Variants in DAB1 observed in about 807,000 individuals in gnomAD.
DAB1 encodes the protein DAB adaptor protein 1, also known as disabled homolog 1.
A neutral mutation model predicts 64.6 loss-of-function variants in DAB1; 15 were observed. The observed-to-expected ratio is 0.23, with a 90% confidence interval of 0.16 to 0.36. The LOEUF (loss-of-function observed/expected upper bound fraction) is 0.36. Among genes scored for constraint, DAB1 ranks in the 10% least tolerant of loss-of-function variants. The pLI is 1.00. For missense variants in DAB1, 596 were observed against 706.7 expected, an observed-to-expected ratio of 0.84 and a Z score of 1.78; for synonymous variants, 235 against 251.9, an observed-to-expected ratio of 0.93 and a Z score of 0.64.
chr1:57,316,837 G>T (rs564363066), intron 1 of DAB1, among the ~76,000 whole-genome samples: 1 of 152,206 alleles, frequency 6.6e-6, no homozygotes, highest in Non-Finnish European at 1.5e-5. Flanking sequence ...AGGCAAATAT[G>T]TGCTGTGGCA....
intron 2 of DAB1, among the ~76,000 whole-genome samples, chr1:58,508,632 C>T (rs1013517480): frequency 1.3e-5 from 2 of 152,124 alleles, no homozygotes; most frequent in Non-Finnish European, 2.9e-5. Context: ...ATCTAACATT[C>T]CAACTTTTCT....
chr1:57,135,123 T>G (rs1657972700), intron 4 of DAB1, among the ~76,000 whole-genome samples: 1 of 152,138 alleles, frequency 6.6e-6, no homozygotes, highest in African/African-American at 2.4e-5. Flanking sequence ...AATTTACCAT[T>G]TTAACTATTT....
intron 4 of DAB1, among the ~76,000 whole-genome samples, chr1:58,155,147 G>A (rs778736609): frequency 1.3e-5 from 2 of 152,212 alleles, no homozygotes; most frequent in Non-Finnish European, 2.9e-5. Context: ...TAACTGAGGT[G>A]TGACAAAGCT....
At chr1:57,701,209 T>C (rs1263662049) in intron 6 of DAB1, among the ~76,000 whole-genome samples, 3 of 152,026 alleles carry the variant, frequency 2.0e-5, no homozygotes, top group Non-Finnish European at 2.9e-5. Flanking sequence ...ACTGGGTATA[T>C]ACCCAAAGGA....
At chr1:57,540,040 A>G (rs1644782405) in intron 7 of DAB1, among the ~76,000 whole-genome samples, 1 of 152,212 alleles carries the variant, frequency 6.6e-6, no homozygotes, top group African/African-American at 2.4e-5. Context: ...AGTGGAATGT[A>G]CATGTTCTAG....
chr1:57,459,972 G>A (rs1348420385), intron 7 of DAB1, among the ~76,000 whole-genome samples: 4 of 152,124 alleles, frequency 2.6e-5, no homozygotes, highest in African/African-American at 4.8e-5. Flanking sequence ...TGTAAGACAG[G>A]GATCCTAACA....
chr1:57,021,823 C>T (rs532275434), intron 11 of DAB1, among the ~76,000 whole-genome samples: 11 of 152,144 alleles, frequency 7.2e-5, no homozygotes, highest in African/African-American at 2.4e-4. Context: ...CCAAGTCATT[C>T]CTCTGCCTGG....
At chr1:58,096,929 C>T (rs568249525) in intron 5 of DAB1, among the ~76,000 whole-genome samples, 1 of 152,316 alleles carries the variant, frequency 6.6e-6, no homozygotes, top group African/African-American at 2.4e-5. Context: ...AGGGCACATT[C>T]CCTGGTATAG....
chr1:57,477,886 C>G (rs1643957410), intron 7 of DAB1, among the ~76,000 whole-genome samples: 1 of 152,118 alleles, frequency 6.6e-6, no homozygotes, highest in South Asian at 2.1e-4. Flanking sequence ...CAGTGCCTTT[C>G]CCAGAATGTT....
At chr1:58,523,715 C>T (rs942955708) in intron 2 of DAB1, among the ~76,000 whole-genome samples, 10 of 152,050 alleles carry the variant, frequency 6.6e-5, no homozygotes, top group African/African-American at 9.7e-5. Context: ...CTGGCTAACA[C>T]GGTGAAACCC....
intron 6 of DAB1, among the ~76,000 whole-genome samples, chr1:57,736,420 AC>A (rs1647694710): frequency 6.6e-6 from 1 of 152,188 alleles, no homozygotes; most frequent in Non-Finnish European, 1.5e-5. Context: ...GGAAGGAGAC[AC>A]CGAATGTTCA....
chr1:57,148,491 G>A (rs1364676383), intron 2 of DAB1, among the ~76,000 whole-genome samples: 1 of 152,216 alleles, frequency 6.6e-6, no homozygotes, highest in Non-Finnish European at 1.5e-5. Flanking sequence ...AGATATCGGA[G>A]CCATAAGGCT....
chr1:57,257,172 T>C (rs1669827514), intron 2 of DAB1, among the ~76,000 whole-genome samples: 1 of 152,154 alleles, frequency 6.6e-6, no homozygotes. Context: ...GTTTGCTGAA[T>C]TGCCTTCCCC....
At chr1:58,186,790 G>T (rs950639193) in intron 4 of DAB1, among the ~76,000 whole-genome samples, 1 of 152,134 alleles carries the variant, frequency 6.6e-6, no homozygotes, top group African/African-American at 2.4e-5. Context: ...ACGGAATTGG[G>T]CCAAGTTTCC....
At position 58,162,258 on chromosome 1, in the gene DAB1, C is replaced by T. The variant is rs145205512; in HGVS notation, n.310-11670G>A. On this transcript the variant is annotated intron_variant and non_coding_transcript_variant, in intron 4 of 20. Transcript: ENST00000485760. ...TGACAACGATCCTGTCAAACCTCTG[C>T]ACCCAGGTATATGAATTCAGAAGGC... Among the ~76,000 whole-genome samples the T allele has an allele frequency of 8.6e-3, 1,315 of 152,298 alleles. 8 individuals are homozygous for T. Among genetic ancestry groups the T allele is most frequent in the Non-Finnish European group, 0.012 (827 of 68,002 alleles).
chr1:57,695,274 A>G (rs369472367), intron 6 of DAB1, among the ~76,000 whole-genome samples: 1,667 of 86,608 alleles, frequency 0.019, 437 homozygotes, highest in African/African-American at 0.055. Context: ...GGAAGGAAGG[A>G]AGGAAGGAAG....
chr1:58,412,492 C>T (rs540739640), intron 3 of DAB1, among the ~76,000 whole-genome samples: 2 of 152,304 alleles, frequency 1.3e-5, no homozygotes, highest in South Asian at 2.1e-4. Context: ...TCTTCCATGA[C>T]GATTGCAGCC....
At chr1:57,764,473 A>G (rs1649222319) in intron 6 of DAB1, among the ~76,000 whole-genome samples, 2 of 152,158 alleles carry the variant, frequency 1.3e-5, no homozygotes, top group Admixed American at 6.5e-5. Flanking sequence ...TTGAAACTAT[A>G]TATTTACTAT....
intron 1 of DAB1, among the ~76,000 whole-genome samples, chr1:57,350,537 C>G (rs1366930030): frequency 1.3e-5 from 2 of 152,108 alleles, no homozygotes; most frequent in African/African-American, 4.8e-5. Context: ...AATGAGCTCC[C>G]TCTGTATTTA....
Sources: allele counts gnomAD v4.1 joint callset (sites outside exome capture counted in the v4.1 genomes callset), GRCh38; gene constraint gnomAD v4.1.1; transcripts MANE v1.5; gene names NCBI Gene and HGNC (gene_info 2026-07-23, HGNC 2026-07-21).